Variants in METAP1 observed in about 807,000 individuals in gnomAD.
METAP1 encodes methionyl aminopeptidase 1.
METAP1 carries 28 observed loss-of-function variants against 53.8 expected under a neutral mutation model. The ratio of observed to expected loss-of-function variants is 0.52; its 90% confidence interval spans 0.39 to 0.71. The LOEUF (loss-of-function observed/expected upper bound fraction) is 0.71. METAP1 is among the 30% of genes least tolerant of loss of function. The pLI is 0.00. For missense variants in METAP1, 389 were observed against 479.8 expected, an observed-to-expected ratio of 0.81 and a Z score of 1.77; for synonymous variants, 181 against 165.7, an observed-to-expected ratio of 1.09 and a Z score of -0.71.
At chr4:99,002,308 T>A (rs1000055376) in intron 1 of METAP1, among the ~76,000 whole-genome samples, 1 of 152,228 alleles carries the variant, frequency 6.6e-6, no homozygotes, top group African/African-American at 2.4e-5. Flanking sequence ...TAGGCAGAAA[T>A]ACTTTATAAA....
chr4:98,995,920 T>C, intron 1 of METAP1, 53 bp downstream of exon 1: 1 of 1,394,294 alleles, frequency 7.2e-7, no homozygotes, highest in Non-Finnish European at 9.9e-7. Flanking sequence ...CCCTCCTCGC[T>C]TCTCCCCTGC....
At position 99,057,798 on chromosome 4, in the gene METAP1, T is replaced by C. The variant is rs753362120; in HGVS notation, c.977T>C (p.Ile326Thr). The C allele has an allele frequency of 1.4e-5, 23 of 1,596,570 alleles. No homozygotes were observed. The Admixed American group carries it at 3.3e-4, about 23-fold the overall frequency. The change falls in exon 10 of 11, where the codon ATT becomes ACT. Residue 326 changes from isoleucine (I) to threonine (T), a missense_variant. Transcript: ENST00000296411. ...GVMKSGHVFT[I>T]EPMICEGGWQ... The stretch of plus-strand genomic sequence containing the variant: ...ATGAAGTCGGGCCATGTATTTACAA[T>C]TGAGCCAATGATTTGTGAAGGTGAG...
At chr4:99,000,635 A>G (rs189548110) in intron 1 of METAP1, among the ~76,000 whole-genome samples, 2 of 151,812 alleles carry the variant, frequency 1.3e-5, no homozygotes, top group Admixed American at 6.6e-5. Context: ...AACATGATTA[A>G]CTGAATCCAG....
chr4:99,022,750 C>T (rs561747346), intron 1 of METAP1: 23 of 1,600,154 alleles, frequency 1.4e-5, no homozygotes, highest in South Asian at 5.5e-5. Context: ...TACCCATAGG[C>T]GTGTTGTGTA....
chr4:99,020,399 A>G (rs1724028923), intron 1 of METAP1, among the ~76,000 whole-genome samples: 1 of 152,146 alleles, frequency 6.6e-6, no homozygotes, highest in Non-Finnish European at 1.5e-5. Flanking sequence ...AGGGAAAGGG[A>G]AAATTTTGAA....
chr4:99,056,055 C>T (rs1485411915), intron 9 of METAP1, among the ~76,000 whole-genome samples: 2 of 152,128 alleles, frequency 1.3e-5, no homozygotes, highest in Non-Finnish European at 2.9e-5. Context: ...GATAGCTATT[C>T]ATCTGGAAAG....
intron 1 of METAP1, chr4:99,025,299 C>A: frequency 1.1e-6 from 1 of 877,836 alleles, no homozygotes; most frequent in Non-Finnish European, 1.4e-6. Flanking sequence ...AGGTTAGAAG[C>A]AAGACAGAGT....
chr4:99,024,989 A>G (rs548622438), intron 1 of METAP1, among the ~76,000 whole-genome samples: 1 of 152,334 alleles, frequency 6.6e-6, no homozygotes, highest in African/African-American at 2.4e-5. Context: ...GGCTCCTTGC[A>G]TGTGCAGTTC....
intron 1 of METAP1, chr4:99,023,286 G>A (rs1724282768): frequency 4.2e-6 from 2 of 477,548 alleles, no homozygotes; most frequent in Non-Finnish European, 5.9e-6. Context: ...TGAGCATTAA[G>A]TTGCATATGT....
intron 1 of METAP1, among the ~76,000 whole-genome samples, chr4:99,008,256 G>A (rs1723276014): frequency 6.6e-6 from 1 of 152,164 alleles, no homozygotes; most frequent in South Asian, 2.1e-4. Flanking sequence ...GGAAGTAGGA[G>A]CAAGCTGAGG....
chr4:99,045,543 T>C (rs1579317135), intron 8 of METAP1, among the ~76,000 whole-genome samples: 1 of 152,258 alleles, frequency 6.6e-6, no homozygotes, highest in African/African-American at 2.4e-5. Context: ...ATCTTCCTTT[T>C]CTTTGCCTGA....
intron 2 of METAP1, chr4:99,031,578 A>G: frequency 7.8e-7 from 1 of 1,287,430 alleles, no homozygotes; most frequent in Non-Finnish European, 1.0e-6. Flanking sequence ...TCTAAGTCTC[A>G]CCTCCAAGAT....
At chr4:99,047,186 G>C (rs1726330148) in intron 8 of METAP1, among the ~76,000 whole-genome samples, 1 of 151,954 alleles carries the variant, frequency 6.6e-6, no homozygotes. Flanking sequence ...TCTTAAGTAG[G>C]GTTTCTTAGT....
intron 1 of METAP1, among the ~76,000 whole-genome samples, chr4:99,014,281 C>G (rs1723631476): frequency 6.6e-6 from 1 of 152,176 alleles, no homozygotes; most frequent in South Asian, 2.1e-4. Flanking sequence ...TCTTGTTATA[C>G]TTCTATCTGG....
In METAP1 at chr4:99,027,945, C is replaced by T. The variant is rs1354665505; in HGVS notation, c.115-922C>T. ...TAGTGTAATATGATTTGGTTAACTA[C>T]GTAGTCCTAGGGATTTTTTTTTCCC... On this transcript the variant is annotated intron_variant, in intron 1 of 10. Coordinates refer to ENST00000296411, the MANE Select transcript of METAP1 (RefSeq NM_015143.3). 2.0e-5 allele frequency among the ~76,000 whole-genome samples: 3 copies of T among 151,712 alleles called. No individual in the cohort carries two copies. In the East Asian group the frequency reaches 5.8e-4, roughly 29 times the overall value.
At chr4:99,032,082 C>A (rs1162224687) in intron 2 of METAP1, among the ~76,000 whole-genome samples, 3 of 152,046 alleles carry the variant, frequency 2.0e-5, no homozygotes, top group African/African-American at 7.2e-5. Flanking sequence ...AAAATGTAAA[C>A]GAATTTTCTT....
intron 1 of METAP1, among the ~76,000 whole-genome samples, chr4:99,027,951 C>CAAAA (rs373695184): frequency 0.48 from 72,395 of 151,748 alleles, 18,612 homozygotes; most frequent in South Asian, 0.67. Flanking sequence ...ACTACGTAGT[C>CAAAA]CTAGGGATTT....
intron 6 of METAP1, 62 bp downstream of exon 6, chr4:99,041,188 A>G (rs939211286): frequency 2.6e-6 from 3 of 1,144,314 alleles, no homozygotes; most frequent in Admixed American, 2.2e-5. Context: ...TTTGAACTTA[A>G]ACATTAAGTA....
chr4:99,016,619 T>A (rs976541416), intron 1 of METAP1, among the ~76,000 whole-genome samples: 1 of 152,236 alleles, frequency 6.6e-6, no homozygotes, highest in African/African-American at 2.4e-5. Context: ...CAATGAGTGA[T>A]GTGGTCTACT....
Sources: gnomAD v4.1 joint callset for allele counts (sites outside exome capture counted in the v4.1 genomes callset) on GRCh38, gnomAD v4.1.1 for gene constraint, MANE v1.5 for transcripts, NCBI Gene and HGNC (gene_info 2026-07-23, HGNC 2026-07-21) for gene names.